PCCA: variants seen among roughly 807,000 people sequenced by gnomAD.
PCCA encodes propionyl-CoA carboxylase subunit alpha.
In PCCA, 74 loss-of-function variants were observed where a neutral mutation model predicts 101.3. The observed-to-expected ratio is 0.73, with a 90% CI of 0.61 to 0.89. The LOEUF (loss-of-function observed/expected upper bound fraction) is 0.89. Ranked by LOEUF, PCCA falls within the 40% of genes least tolerant of loss-of-function variation. The pLI, the probability that PCCA is intolerant of heterozygous loss-of-function variation, is 0.00. For synonymous variants in PCCA, 294 were observed against 313.6 expected (o/e 0.94, Z 0.66); for missense variants, 891 against 907.0 (o/e 0.98, Z 0.23).
intron 8 of PCCA, among the ~76,000 whole-genome samples, chr13:100,256,228 A>G (rs771990932): frequency 3.3e-5 from 5 of 152,004 alleles, no homozygotes; most frequent in Non-Finnish European, 7.4e-5. Context: ...GATGGTCTTA[A>G]TCTCCTGACC....
At chr13:100,349,346 C>T (rs1008126717) in intron 18 of PCCA, among the ~76,000 whole-genome samples, 2 of 152,274 alleles carry the variant, frequency 1.3e-5, no homozygotes, top group Non-Finnish European at 2.9e-5. Flanking sequence ...AGGCTGGTCT[C>T]GAACTCCTGA....
intron 19 of PCCA, among the ~76,000 whole-genome samples, chr13:100,385,055 T>A (rs1384890206): frequency 6.6e-6 from 1 of 152,138 alleles, no homozygotes; most frequent in Non-Finnish European, 1.5e-5. Context: ...CTTAGGTAAT[T>A]TTTTCACTTA....
chr13:100,515,222 CCTT>C (rs1282397303), intron 21 of PCCA, among the ~76,000 whole-genome samples: 1 of 152,102 alleles, frequency 6.6e-6, no homozygotes, highest in Non-Finnish European at 1.5e-5. Context: ...CTGGAATAGC[CCTT>C]ATTTCAAGAA....
intron 19 of PCCA, among the ~76,000 whole-genome samples, chr13:100,379,351 G>C (rs183806004): frequency 1.3e-5 from 2 of 152,252 alleles, no homozygotes; most frequent in Non-Finnish European, 2.9e-5. Context: ...GTCTGTCCTT[G>C]GGCCCCGGGG....
chr13:100,416,190 G>GTT (rs1292129478), intron 19 of PCCA, among the ~76,000 whole-genome samples: 10 of 144,706 alleles, frequency 6.9e-5, no homozygotes, highest in African/African-American at 7.5e-5. Flanking sequence ...ATAAATCATG[G>GTT]TTTTTTTTTT....
chr13:100,189,631 T>G (rs567070117), intron 6 of PCCA, among the ~76,000 whole-genome samples: 3 of 152,202 alleles, frequency 2.0e-5, no homozygotes, highest in African/African-American at 7.2e-5. Flanking sequence ...TTTTGTTGCA[T>G]TTTCTTTTGG....
chr13:100,505,399 C>A (rs1262590261), intron 21 of PCCA, among the ~76,000 whole-genome samples: 1 of 152,182 alleles, frequency 6.6e-6, no homozygotes, highest in Non-Finnish European at 1.5e-5. Flanking sequence ...TCGCTGCATG[C>A]CTGGGAACCT....
At chr13:100,155,503 C>A (rs1202134191) in intron 5 of PCCA, among the ~76,000 whole-genome samples, 2 of 152,192 alleles carry the variant, frequency 1.3e-5, no homozygotes, top group African/African-American at 2.4e-5. Context: ...ATACCTAGTA[C>A]ACTTCCAGAA....
At chr13:100,177,756 G>A (rs2056374294) in intron 6 of PCCA, among the ~76,000 whole-genome samples, 1 of 152,064 alleles carries the variant, frequency 6.6e-6, no homozygotes, top group Non-Finnish European at 1.5e-5. Flanking sequence ...AATAACTCAA[G>A]TCTTCAAACA....
intron 22 of PCCA, among the ~76,000 whole-genome samples, chr13:100,526,514 G>A (rs1169366267): frequency 2.6e-5 from 4 of 152,246 alleles, no homozygotes; most frequent in African/African-American, 9.6e-5. Flanking sequence ...CACACGGGGG[G>A]GCCAGAGGGG....
chr13:100,264,713 G>A (rs1438282941), intron 10 of PCCA, among the ~76,000 whole-genome samples: 1 of 151,970 alleles, frequency 6.6e-6, no homozygotes, highest in Non-Finnish European at 1.5e-5. Context: ...TACATCTCTA[G>A]GATAGACTGA....
At chr13:100,292,530 T>G (rs117863297) in intron 12 of PCCA, among the ~76,000 whole-genome samples, 3,299 of 152,340 alleles carry the variant, frequency 0.022, 46 homozygotes, top group Non-Finnish European at 0.033. Context: ...TGTGAGTATC[T>G]TATCCATAAC....
At chr13:100,500,881 C>T (rs916967243) in intron 21 of PCCA, among the ~76,000 whole-genome samples, 2 of 152,218 alleles carry the variant, frequency 1.3e-5, no homozygotes, top group Admixed American at 6.5e-5. Context: ...CAGTGGCTCA[C>T]GCCTGTAATC....
intron 8 of PCCA, among the ~76,000 whole-genome samples, chr13:100,243,380 A>G (rs2061261232): frequency 1.3e-5 from 2 of 152,238 alleles, no homozygotes; most frequent in Non-Finnish European, 1.5e-5. Context: ...TGTAATATTT[A>G]TAGACCAGAA....
chr13:100,155,046 A>G lies in PCCA; in HGVS notation c.368A>G (p.Asn123Ser). ...GCTCCCACCAGTAAAAGCTACCTCA[A>G]CATGGATGCCATCATGGAAGCCATT... ...GPAPTSKSYL[N>S]MDAIMEAIKK... Residue 123 changes from asparagine to serine, a missense_variant, in exon 5 of 24, where the codon AAC (asparagine) becomes AGC (serine). By Grantham distance (46) the Asn-to-Ser change is conservative. Coordinates refer to ENST00000376285, the MANE Select transcript of PCCA (RefSeq NM_000282.4). The G allele has an allele frequency of 1.9e-6, 3 of 1,614,112 alleles. No individual in the cohort carries two copies. The highest frequency in any genetic ancestry group is 2.5e-6 in the Non-Finnish European group (3 of 1,179,966).
chr13:100,347,206 T>G (rs1451577456), intron 18 of PCCA, among the ~76,000 whole-genome samples: 1 of 152,210 alleles, frequency 6.6e-6, no homozygotes, highest in Non-Finnish European at 1.5e-5. Flanking sequence ...TTGTACATTG[T>G]TTTTAAGAGC....
At chr13:100,242,514 G>A (rs2061201159) in intron 8 of PCCA, among the ~76,000 whole-genome samples, 1 of 152,040 alleles carries the variant, frequency 6.6e-6, no homozygotes, top group Non-Finnish European at 1.5e-5. Context: ...AGGGAATAGA[G>A]GACTTGAACA....
chr13:100,299,803 C>T (rs1228669862), intron 12 of PCCA, among the ~76,000 whole-genome samples: 1 of 152,150 alleles, frequency 6.6e-6, no homozygotes, highest in African/African-American at 2.4e-5. Flanking sequence ...ACAGCCTTCT[C>T]CTGGGTTCCA....
intron 21 of PCCA, among the ~76,000 whole-genome samples, chr13:100,458,904 T>C (rs1200125498): frequency 6.6e-6 from 1 of 152,138 alleles, no homozygotes; most frequent in East Asian, 1.9e-4. Flanking sequence ...ATGCAACAGA[T>C]TAGCACAAAC....
Sources: allele counts gnomAD v4.1 joint callset (sites outside exome capture counted in the v4.1 genomes callset), GRCh38; gene constraint gnomAD v4.1.1; transcripts MANE v1.5; gene names NCBI Gene and HGNC (gene_info 2026-07-23, HGNC 2026-07-21).